Variants in CCDC33 observed in about 807,000 individuals in gnomAD.
The protein encoded by CCDC33 is coiled-coil domain-containing protein 33.
A neutral mutation model predicts 91.9 loss-of-function variants in CCDC33; 94 were observed. The observed-to-expected ratio is 1.02, with a 90% confidence interval of 0.87 to 1.21. The LOEUF (loss-of-function observed/expected upper bound fraction) is 1.21. Among genes scored for constraint, CCDC33 ranks in the 50% most tolerant of loss-of-function variants. The probability of loss-of-function intolerance (pLI) is 0.00; values close to 1 mark genes in which losing one functional copy is unlikely to be tolerated. For missense variants in CCDC33, 940 were observed against 935.5 expected, an observed-to-expected ratio of 1.00 and a Z score of -0.06; for synonymous variants, 396 against 374.5, an observed-to-expected ratio of 1.06 and a Z score of -0.66.
intron 2 of CCDC33, among the ~76,000 whole-genome samples, chr15:74,245,312 G>A (rs2075486989): frequency 6.6e-6 from 1 of 152,188 alleles, no homozygotes. Flanking sequence ...TGTGAAAGGG[G>A]GGTAGAAGCT....
chr15:74,336,239 T>TGC, downstream of CCDC33: 1 of 1,416,184 alleles, frequency 7.1e-7, no homozygotes, highest in African/African-American at 1.4e-5. Context: ...GCTGCAGCCT[T>TGC]ACAGCCTCCC....
At chr15:74,234,769 C>G (rs763283633), upstream of CCDC33, among the ~76,000 whole-genome samples, 4 of 152,204 alleles carry the variant, frequency 2.6e-5, no homozygotes, top group Non-Finnish European at 5.9e-5. Context: ...GGGACTGAGG[C>G]AGAGCTGCAG....
intron 2 of CCDC33, among the ~76,000 whole-genome samples, chr15:74,219,244 C>T: frequency 6.6e-6 from 1 of 152,224 alleles, no homozygotes; most frequent in Non-Finnish European, 1.5e-5. Flanking sequence ...CTAGCATCCA[C>T]CCTGACCAGG....
Position 74,207,567 on chromosome 15 carries a change from ACT to A in CCDC33, n.90-1818_90-1817del, listed in dbSNP as rs2074287829. On this transcript the variant is annotated intron_variant and non_coding_transcript_variant, in intron 1 of 3. Transcript: ENST00000558645. ...CTCCACCCTCCCATCTCAGCCCTTG[ACT>A]CTGAGTCCAGCAGCAAACCCAATAG... is the stretch of plus-strand genomic sequence containing the variant. The A allele has an allele frequency of 3.4e-6, 3 of 877,812 alleles. No homozygotes were observed. The Admixed American group carries it at 6.5e-5, about 19-fold the overall frequency. 54.4% of individuals were successfully genotyped at this position (877,812 alleles called of 1,614,324 possible).
chr15:74,227,937 G>C (rs1039435203), intron 2 of CCDC33, among the ~76,000 whole-genome samples: 1 of 152,050 alleles, frequency 6.6e-6, no homozygotes, highest in Non-Finnish European at 1.5e-5. Flanking sequence ...AAGACTTCCA[G>C]AACACAGGCA....
intron 2 of CCDC33, among the ~76,000 whole-genome samples, chr15:74,257,364 G>A (rs937806528): frequency 2.6e-5 from 4 of 152,312 alleles, no homozygotes; most frequent in African/African-American, 9.6e-5. Flanking sequence ...GCTGTTGTCT[G>A]GTGAAGCGGG....
At chr15:74,203,339 A>T (rs2074169910) in intron 1 of CCDC33, 1 of 362,512 alleles carries the variant, frequency 2.8e-6, no homozygotes, top group Non-Finnish European at 3.8e-6. Flanking sequence ...CTCCTCCTGG[A>T]GTGAGGTTGA....
At chr15:74,281,680 G>T in intron 9 of CCDC33, 98 bp from the exon 10 acceptor site, 1 of 1,120,698 alleles carries the variant, frequency 8.9e-7, no homozygotes, top group Non-Finnish European at 1.3e-6. Flanking sequence ...GGTGCAGCCC[G>T]CAGGTGACAC....
At chr15:74,303,747 C>T (rs413150) in intron 11 of CCDC33, 80,379 of 152,292 alleles carry the variant, frequency 0.53, 23,192 homozygotes, top group East Asian at 0.83. Context: ...CTCCTCAGCT[C>T]CTCCCCTGCA....
chr15:74,223,386 G>A (rs905807574), intron 2 of CCDC33, among the ~76,000 whole-genome samples: 4 of 152,144 alleles, frequency 2.6e-5, no homozygotes, highest in Non-Finnish European at 5.9e-5. Flanking sequence ...CCCAGCCCTT[G>A]GGTACTGGGG....
At chr15:74,279,508 C>A (rs1192739541) in intron 7 of CCDC33, among the ~76,000 whole-genome samples, 1 of 152,048 alleles carries the variant, frequency 6.6e-6, no homozygotes, top group Non-Finnish European at 1.5e-5. Context: ...TAGGTGTGTG[C>A]TGCATTTATT....
In CCDC33 at chr15:74,316,515, G is replaced by A. The variant is rs1248225440; in HGVS notation, c.1291-13674G>A. 2.0e-5 allele frequency among the ~76,000 whole-genome samples: 3 copies of A among 152,206 alleles called. No homozygotes were observed. The highest frequency in any genetic ancestry group is 4.4e-5 in the Non-Finnish European group (3 of 68,022). On this transcript the variant is annotated intron_variant, in intron 11 of 18. Coordinates refer to ENST00000398814, the MANE Select transcript of CCDC33 (RefSeq NM_025055.5). The surrounding 1 kb of genome is among the most constrained non-coding windows in gnomAD (Gnocchi z 4.7). Reference sequence around the variant, plus strand: ...GAGGACAGGGCCCCTTGCAGGGAGGGGTGGTGAAGCCTGGTCTGGGAGGCT... The same window carrying A: ...GAGGACAGGGCCCCTTGCAGGGAGGAGTGGTGAAGCCTGGTCTGGGAGGCT...
chr15:74,327,873 G>A (rs1040057286), intron 11 of CCDC33, among the ~76,000 whole-genome samples: 5 of 152,130 alleles, frequency 3.3e-5, no homozygotes, highest in African/African-American at 7.2e-5. Flanking sequence ...ACAATAGAGC[G>A]TGGCCATCTC....
rs146207966 is a variant in CCDC33 at position 74,322,187 on chromosome 15, G to T, written c.1291-8002G>T. On this transcript the variant is annotated intron_variant, in intron 11 of 18. Transcript: ENST00000398814. The stretch of plus-strand genomic sequence containing the variant: ...TTGCAATAACAAACTACCCCAAAAT[G>T]TTATCATTTAAAACGATAATTTTTT... 1.1e-4 allele frequency among the ~76,000 whole-genome samples: 16 copies of T among 152,308 alleles called. No homozygotes were observed. In the South Asian group the frequency reaches 3.3e-3, roughly 32 times the overall value.
intron 7 of CCDC33, among the ~76,000 whole-genome samples, chr15:74,275,939 A>C (rs972876889): frequency 1.3e-5 from 2 of 152,134 alleles, no homozygotes; most frequent in Admixed American, 6.5e-5. Context: ...AAAGTGCTGG[A>C]ATTACAGGCC....
At chr15:74,268,788 T>A (rs1408349753) in intron 5 of CCDC33, among the ~76,000 whole-genome samples, 9 of 152,190 alleles carry the variant, frequency 5.9e-5, no homozygotes, top group Non-Finnish European at 7.4e-5. Context: ...TCTCCCCGAA[T>A]CTTATGCTAG....
chr15:74,214,545 C>T (rs1164151386), upstream of CCDC33, among the ~76,000 whole-genome samples: 1 of 152,196 alleles, frequency 6.6e-6, no homozygotes, highest in Non-Finnish European at 1.5e-5. Flanking sequence ...TGCCCTGCGG[C>T]CCTGGGCTCA....
At chr15:74,291,225 G>C (rs1047468926) in intron 10 of CCDC33, among the ~76,000 whole-genome samples, 7 of 152,222 alleles carry the variant, frequency 4.6e-5, no homozygotes, top group African/African-American at 1.7e-4. Context: ...AAGCCCTCTT[G>C]GAGGGGCCTG....
At chr15:74,257,390 G>A (rs1225326353) in intron 2 of CCDC33, among the ~76,000 whole-genome samples, 1 of 152,188 alleles carries the variant, frequency 6.6e-6, no homozygotes, top group Non-Finnish European at 1.5e-5. Context: ...GAAGAGAAGG[G>A]AGCTTCAGCA....
Sources: allele counts gnomAD v4.1 joint callset (sites outside exome capture counted in the v4.1 genomes callset), GRCh38; gene constraint gnomAD v4.1.1; non-coding constraint Gnocchi (gnomAD v3.1); transcripts MANE v1.5; gene names NCBI Gene and HGNC (gene_info 2026-07-23, HGNC 2026-07-21).